Variants in ARHGAP15 observed in about 807,000 individuals in gnomAD.
The protein encoded by ARHGAP15 is Rho GTPase activating protein 15, also known as rho GTPase-activating protein 15.
A neutral mutation model predicts 63.7 loss-of-function variants in ARHGAP15; 51 were observed. That is an observed-to-expected ratio of 0.80 (90% CI 0.64 to 1.01). The LOEUF is 1.01. Ranked by LOEUF, ARHGAP15 falls within the 50% of genes least tolerant of loss-of-function variation. The pLI, the probability that ARHGAP15 is intolerant of heterozygous loss-of-function variation, is 0.00. For synonymous variants in ARHGAP15, 191 were observed against 193.8 expected (o/e 0.99, Z 0.12); for missense variants, 560 against 564.6 (o/e 0.99, Z 0.08).
chr2:143,183,561 A>T (rs1691321209), intron 2 of ARHGAP15, among the ~76,000 whole-genome samples: 1 of 152,128 alleles, frequency 6.6e-6, no homozygotes, highest in African/African-American at 2.4e-5. Context: ...TCTAAAAAGG[A>T]TAAGATAAGA....
chr2:143,499,969 A>C (rs898350737), intron 9 of ARHGAP15, among the ~76,000 whole-genome samples: 1 of 152,116 alleles, frequency 6.6e-6, no homozygotes, highest in Non-Finnish European at 1.5e-5. Context: ...CAATACTTAT[A>C]TAAAACAGGC....
chr2:143,640,802 T>A (rs754806107), intron 12 of ARHGAP15: 1 of 152,196 alleles, frequency 6.6e-6, no homozygotes, highest in Non-Finnish European at 1.5e-5. Flanking sequence ...TTATAAATTA[T>A]GACACTAAGT....
At chr2:143,740,244 GGATT>G (rs1332414701) in intron 13 of ARHGAP15, among the ~76,000 whole-genome samples, 1 of 152,198 alleles carries the variant, frequency 6.6e-6, no homozygotes, top group Non-Finnish European at 1.5e-5. Context: ...GCTTAGGCAA[GGATT>G]GATAGATCTA....
chr2:143,598,126 C>T (rs1385418485), intron 11 of ARHGAP15: 1 of 152,100 alleles, frequency 6.6e-6, no homozygotes, highest in Non-Finnish European at 1.5e-5. Context: ...CAGACCATAG[C>T]AGTTATTATA....
At chr2:143,248,824 A>G (rs190302938) in intron 5 of ARHGAP15, among the ~76,000 whole-genome samples, 1 of 152,340 alleles carries the variant, frequency 6.6e-6, no homozygotes, top group Non-Finnish European at 1.5e-5. Flanking sequence ...TAAACGAATT[A>G]TCAATAATTG....
Position 143,640,796 on chromosome 2 carries a change from A to G in ARHGAP15, c.1138+16529A>G, listed in dbSNP as rs574878247. On this transcript the variant is annotated intron_variant, in intron 12 of 13. Transcript: ENST00000295095. ...GATTTATTGGTACTGATATGCTTAT[A>G]AATTATGACACTAAGTGTTTATTCT... 3.3e-5 allele frequency: 5 copies of G among 152,270 alleles called. No homozygotes were observed. In the South Asian group the frequency reaches 6.2e-4, roughly 19 times the overall value. 9.4% of individuals were successfully genotyped at this position (152,270 alleles called of 1,614,324 possible). A position where few individuals can be genotyped will look rare whatever the true frequency, so the allele number is the denominator to read the frequency against.
chr2:143,633,906 G>T (rs939501110), intron 12 of ARHGAP15, among the ~76,000 whole-genome samples: 1 of 151,904 alleles, frequency 6.6e-6, no homozygotes, highest in Non-Finnish European at 1.5e-5. Context: ...TAAAATATCT[G>T]CCCACTTACC....
chr2:143,265,927 TA>T (rs1467970494), intron 6 of ARHGAP15, among the ~76,000 whole-genome samples: 1 of 152,144 alleles, frequency 6.6e-6, no homozygotes, highest in Non-Finnish European at 1.5e-5. Flanking sequence ...AAAGTTTCAA[TA>T]AAATATATTA....
At chr2:143,563,238 T>C (rs1696097842) in intron 11 of ARHGAP15, among the ~76,000 whole-genome samples, 1 of 152,222 alleles carries the variant, frequency 6.6e-6, no homozygotes, top group African/African-American at 2.4e-5. Flanking sequence ...TAGTTATTAT[T>C]AACTTTAATT....
chr2:143,287,442 C>CATT (rs1483457148), intron 6 of ARHGAP15, among the ~76,000 whole-genome samples: 3 of 151,956 alleles, frequency 2.0e-5, no homozygotes, highest in African/African-American at 7.2e-5. Flanking sequence ...CCAGATGTGT[C>CATT]ATTGAAAGTT....
intron 5 of ARHGAP15, among the ~76,000 whole-genome samples, chr2:143,241,045 G>A (rs1316662067): frequency 6.6e-6 from 1 of 152,096 alleles, no homozygotes; most frequent in Admixed American, 6.5e-5. Flanking sequence ...TCTCTCTGTG[G>A]TTTATCATTT....
intron 6 of ARHGAP15, among the ~76,000 whole-genome samples, chr2:143,395,591 C>G (rs1687722407): frequency 6.6e-6 from 1 of 152,030 alleles, no homozygotes; most frequent in African/African-American, 2.4e-5. Context: ...CCAGCAGTAT[C>G]TAGTCTAGAG....
intron 8 of ARHGAP15, among the ~76,000 whole-genome samples, chr2:143,446,654 T>A (rs1019868217): frequency 2.6e-5 from 4 of 151,874 alleles, no homozygotes; most frequent in Admixed American, 1.3e-4. Context: ...TTTATTTAAG[T>A]TTTAGGGTAC....
chr2:143,215,033 T>C (rs1692695009), intron 3 of ARHGAP15, among the ~76,000 whole-genome samples: 1 of 152,242 alleles, frequency 6.6e-6, no homozygotes, highest in South Asian at 2.1e-4. Flanking sequence ...ACCAAAATAT[T>C]CCAGAAGCTA....
At chr2:143,610,832 A>G (rs1448219257) in intron 11 of ARHGAP15, among the ~76,000 whole-genome samples, 10 of 151,920 alleles carry the variant, frequency 6.6e-5, no homozygotes. Flanking sequence ...GGATTCAAGC[A>G]ATTCTCCTGT....
chr2:143,360,926 T>G (rs1436952765), intron 6 of ARHGAP15, among the ~76,000 whole-genome samples: 9 of 152,202 alleles, frequency 5.9e-5, no homozygotes, highest in Non-Finnish European at 8.8e-5. Flanking sequence ...ATACATAAAT[T>G]GGAACACATT....
intron 2 of ARHGAP15, among the ~76,000 whole-genome samples, chr2:143,184,337 T>G (rs1266385405): frequency 6.6e-6 from 1 of 152,208 alleles, no homozygotes; most frequent in Non-Finnish European, 1.5e-5. Context: ...TATTGCCATC[T>G]AGCTAGCTTA....
At chr2:143,748,918 T>TCC (rs1383554477) in intron 13 of ARHGAP15, among the ~76,000 whole-genome samples, 1 of 152,136 alleles carries the variant, frequency 6.6e-6, no homozygotes, top group Non-Finnish European at 1.5e-5. Flanking sequence ...TTGGATGATT[T>TCC]CCCCCAAAAC....
intron 12 of ARHGAP15, among the ~76,000 whole-genome samples, chr2:143,696,730 A>G (rs1683865046): frequency 6.6e-6 from 1 of 152,242 alleles, no homozygotes; most frequent in Non-Finnish European, 1.5e-5. Flanking sequence ...AAAAACAGCC[A>G]AAACATGAAT....
Sources: allele counts gnomAD v4.1 joint callset (sites outside exome capture counted in the v4.1 genomes callset), GRCh38; gene constraint gnomAD v4.1.1; transcripts MANE v1.5; gene names NCBI Gene and HGNC (gene_info 2026-07-23, HGNC 2026-07-21).